Variants in WDR19 observed in about 807,000 individuals in gnomAD.
The protein encoded by WDR19 is WD repeat domain 19, also known as WD repeat-containing protein 19.
Under a neutral mutation model 180.0 loss-of-function variants are expected in WDR19, and 121 were observed. The observed-to-expected ratio is 0.67, with a 90% CI of 0.58 to 0.78. WDR19 has a LOEUF of 0.78. WDR19 is among the 30% of genes least tolerant of loss of function. The pLI is 0.00. For missense variants in WDR19, 1,450 were observed against 1,640.7 expected, an observed-to-expected ratio of 0.88 and a Z score of 2.01; for synonymous variants, 497 against 540.7, an observed-to-expected ratio of 0.92 and a Z score of 1.12.
At chr4:39,187,493 A>G (rs947485688) in intron 3 of WDR19, among the ~76,000 whole-genome samples, 4 of 151,348 alleles carry the variant, frequency 2.6e-5, no homozygotes, top group East Asian at 1.9e-4. Context: ...TTTAAAATTC[A>G]TGTTTCTTTC....
At chr4:39,253,709 G>A (rs796923083) in intron 25 of WDR19, among the ~76,000 whole-genome samples, 197 bp from the exon 26 acceptor site, 9 of 151,934 alleles carry the variant, frequency 5.9e-5, no homozygotes, top group African/African-American at 2.2e-4. Context: ...AACCCAGGAG[G>A]CGGAGGCTGC....
At chr4:39,227,646 A>G (rs1730415664) in intron 15 of WDR19, among the ~76,000 whole-genome samples, 1 of 152,170 alleles carries the variant, frequency 6.6e-6, no homozygotes, top group Non-Finnish European at 1.5e-5. Context: ...CATTTTATTC[A>G]GGGATTTGGC....
intron 5 of WDR19, among the ~76,000 whole-genome samples, chr4:39,195,366 C>CAAAAAAAAAAACAA (rs1726622383): frequency 1.5e-5 from 2 of 135,668 alleles, no homozygotes; most frequent in African/African-American, 5.7e-5. Context: ...GACTTCATCT[C>CAAAAAAAAAAACAA]AAAAAAAAAA....
intron 7 of WDR19, 102 bp downstream of exon 7, chr4:39,203,824 G>A: frequency 3.5e-6 from 4 of 1,133,084 alleles, no homozygotes; most frequent in Non-Finnish European, 5.2e-6. Flanking sequence ...AATAAATTAG[G>A]TCCATTGACT....
intron 1 of WDR19, among the ~76,000 whole-genome samples, chr4:39,185,124 G>A (rs1283728839): frequency 6.6e-6 from 1 of 152,082 alleles, no homozygotes; most frequent in African/African-American, 2.4e-5. Context: ...GTCCTCAATA[G>A]CTACATGTGG....
intron 14 of WDR19, among the ~76,000 whole-genome samples, chr4:39,219,694 C>T (rs1019372781): frequency 3.3e-5 from 5 of 152,288 alleles, no homozygotes; most frequent in South Asian, 2.1e-4. Flanking sequence ...AGTAGGCATT[C>T]AGCAAATATT....
Position 39,238,971 on chromosome 4 carries a change from ATAT to A in WDR19, c.2364-1286_2364-1284del, listed in dbSNP as rs759016341. On this transcript the variant is annotated intron_variant, in intron 20 of 36. Transcript: ENST00000399820. Reference sequence around the variant, plus strand: ...TGTTAGCATCAGTCATGGGAAGAGAATATTATTATTATTATTATTATTTGAGAT... The same window carrying A: ...TGTTAGCATCAGTCATGGGAAGAGAATATTATTATTATTATTATTTGAGAT... 1.7e-4 allele frequency among the ~76,000 whole-genome samples: 26 copies of A among 151,700 alleles called. No individual in the cohort carries two copies. The East Asian group carries it at 3.1e-3, about 18-fold the overall frequency.
At chr4:39,251,158 G>C (rs1733128357) in intron 24 of WDR19, among the ~76,000 whole-genome samples, 1 of 152,156 alleles carries the variant, frequency 6.6e-6, no homozygotes, top group South Asian at 2.1e-4. Context: ...TACCAAAACA[G>C]AGATATAGAT....
chr4:39,273,051 AT>A lies in WDR19; in HGVS notation c.3558del (p.Pro1187HisfsTer8). 1 of 1,603,978 alleles carries A rather than the reference AT, an allele frequency of 6.2e-7. No individual in the cohort carries two copies. Among genetic ancestry groups the A allele is most frequent in the Non-Finnish European group, 8.5e-7 (1 of 1,175,434 alleles). ...LIRVANNISKFPSHIVPILTS... is the reference protein window; with the variant it reads ...LIRVANNISKXPSHIVPILTS... ...TTCGGGTGGCCAACAACATCAGCAA[AT>A]TTCCATCACGTAAGTACCACTGACC... On this transcript the variant is annotated frameshift_variant, in exon 32 of 37. Coordinates refer to ENST00000399820, the MANE Select transcript of WDR19 (RefSeq NM_025132.4). LOFTEE classifies it high-confidence loss of function.
chr4:39,215,293 T>TTTTCTTTCTTTC (rs756637025), intron 10 of WDR19, among the ~76,000 whole-genome samples: 91 of 145,366 alleles, frequency 6.3e-4, no homozygotes, highest in African/African-American at 2.0e-3. Flanking sequence ...ATTTACTACC[T>TTTTCTTTCTTTC]TTTCTTTGTT....
In WDR19 at chr4:39,260,969, A is replaced by AC. The variant is rs368244072; in HGVS notation, c.3183+3415_3183+3416insC. Among the ~76,000 whole-genome samples the AC allele has an allele frequency of 5.2e-3, 797 of 152,122 alleles. 3 individuals carry two copies. The highest frequency in any genetic ancestry group is 8.7e-3 in the Non-Finnish European group (591 of 68,000). Reference sequence around the variant, plus strand: ...TTGGGGGATGTAGGGGGACACAAACAGTTCATAATAGCCCATATTTTTTTG... The same window carrying AC: ...TTGGGGGATGTAGGGGGACACAAACACGTTCATAATAGCCCATATTTTTTTG... On this transcript the variant is annotated intron_variant, in intron 28 of 36. Coordinates refer to ENST00000399820, the MANE Select transcript of WDR19 (RefSeq NM_025132.4).
At chr4:39,240,194 A>AG in intron 20 of WDR19, 83 bp from the exon 21 acceptor site, 1 of 609,870 alleles carries the variant, frequency 1.6e-6, no homozygotes, top group Non-Finnish European at 2.2e-6. Flanking sequence ...AAAAAAAAAA[A>AG]AAAAAAAAGG....
At chr4:39,234,695 A>G in intron 19 of WDR19, 71 bp from the exon 20 acceptor site, 1 of 927,196 alleles carries the variant, frequency 1.1e-6, no homozygotes, top group Admixed American at 2.0e-5. Context: ...TTTTATTAAA[A>G]CTAGCTCTTT....
chr4:39,260,426 C>T (rs1231181080), intron 28 of WDR19, among the ~76,000 whole-genome samples: 1 of 150,160 alleles, frequency 6.7e-6, no homozygotes, highest in Non-Finnish European at 1.5e-5. Context: ...CAACCTCTGC[C>T]TCCTGGGTTC....
chr4:39,258,373 G>A (rs575619215), intron 28 of WDR19, among the ~76,000 whole-genome samples: 43 of 152,100 alleles, frequency 2.8e-4, no homozygotes, highest in African/African-American at 9.4e-4. Context: ...GGCTGGTCTC[G>A]AACTCCTGAC....
In WDR19 at chr4:39,199,482, A is replaced by G; in HGVS notation, c.411A>G (p.Lys137=). 6.8e-6 allele frequency: 11 copies of G among 1,610,702 alleles called. No homozygotes were observed. The highest frequency in any genetic ancestry group is 9.3e-6 in the Non-Finnish European group (11 of 1,178,814). Residue 137 remains lysine (K), a synonymous_variant, in exon 6 of 37, where the codon AAA becomes AAG. Transcript: ENST00000399820. The part of the protein sequence containing the change: ...QTSRKIPVLG[K]HTKRITCGCW... ...TAAAAATAATCTCTTTTTCAGGAAA[A>G]CATACTAAGAGAATCACTTGTGGAT... is the stretch of plus-strand genomic sequence containing the variant.
chr4:39,231,781 T>C lies in WDR19; in HGVS notation c.1983-16T>C, dbSNP rs766955334. 3.2e-6 allele frequency: 5 copies of C among 1,568,134 alleles called. No individual in the cohort carries two copies. In the Admixed American group the frequency reaches 5.2e-5, roughly 16 times the overall value. ...AAGTGGAACATTCTGATTAAGCTTA[T>C]GTTCTTACATCCCAGGTTTTCTGAT... On this transcript the variant is annotated splice_polypyrimidine_tract_variant and intron_variant, in intron 17 of 36. Transcript: ENST00000399820.
chr4:39,266,120 G>T lies in WDR19; in HGVS notation c.3241G>T (p.Glu1081Ter). 1 of 1,563,508 alleles carries T rather than the reference G, an allele frequency of 6.4e-7. No individual in the cohort carries two copies. The highest frequency in any genetic ancestry group is 2.4e-5 in the East Asian group (1 of 41,932). Residue 1081 changes from glutamate (E) to a stop codon, truncating the protein, a stop_gained, in exon 29 of 37, where the codon GAG becomes TAG. Transcript: ENST00000399820. LOFTEE classifies it high-confidence loss of function. ...TNQLIDHLLG[E>*]NDGMPKDAKY... is the part of the protein sequence containing the mutation. ...TCAGCTGATAGACCATCTCCTGGGG[G>T]AGAACGATGGCATGCCTAAGGTACT...
At chr4:39,228,109 A>C in intron 15 of WDR19, 101 bp from the exon 16 acceptor site, 1 of 1,328,962 alleles carries the variant, frequency 7.5e-7, no homozygotes, top group Non-Finnish European at 1.0e-6. Context: ...AATATGACTC[A>C]GTAAGCTAAG....
Sources: gnomAD v4.1 joint callset for allele counts (sites outside exome capture counted in the v4.1 genomes callset) on GRCh38, gnomAD v4.1.1 for gene constraint, MANE v1.5 for transcripts, NCBI Gene and HGNC (gene_info 2026-07-23, HGNC 2026-07-21) for gene names.